FGF12: variants seen among roughly 807,000 people sequenced by gnomAD.
The protein encoded by FGF12 is fibroblast growth factor 12.
FGF12 carries 14 observed loss-of-function variants against 23.6 expected under a neutral mutation model. That is an observed-to-expected ratio of 0.59 (90% confidence interval 0.39 to 0.93). The LOEUF (loss-of-function observed/expected upper bound fraction) is 0.93, where lower values mean the gene tolerates loss of function less well. Ranked by LOEUF, FGF12 falls within the 40% of genes least tolerant of loss-of-function variation. The pLI is 0.00. For synonymous variants in FGF12, 62 were observed against 77.3 expected, an observed-to-expected ratio of 0.80 and a Z score of 1.04; for missense variants, 175 against 217.8, an observed-to-expected ratio of 0.80 and a Z score of 1.24.
At chr3:192,595,825 T>C (rs886313225) in intron 2 of FGF12, among the ~76,000 whole-genome samples, 1 of 152,162 alleles carries the variant, frequency 6.6e-6, no homozygotes, top group African/African-American at 2.4e-5. Flanking sequence ...CCAAGCACAG[T>C]GGCTCACACC....
chr3:192,251,668 T>C (rs1325642725), intron 4 of FGF12, among the ~76,000 whole-genome samples: 2 of 151,916 alleles, frequency 1.3e-5, no homozygotes, highest in African/African-American at 2.4e-5. Flanking sequence ...TAATAATGAA[T>C]GAACGAAGAT....
chr3:192,692,710 TAAA>T (rs200005337), intron 2 of FGF12, among the ~76,000 whole-genome samples: 2 of 123,186 alleles, frequency 1.6e-5, no homozygotes, highest in Admixed American at 8.2e-5. Context: ...AGACCCTGTC[TAAA>T]AAAAAAAAAA....
chr3:192,328,475 G>C (rs1716940485), intron 4 of FGF12, among the ~76,000 whole-genome samples: 1 of 152,184 alleles, frequency 6.6e-6, no homozygotes, highest in Non-Finnish European at 1.5e-5. Flanking sequence ...AGAGTAACAT[G>C]TCCTGACTCA....
intron 4 of FGF12, among the ~76,000 whole-genome samples, chr3:192,173,500 A>G (rs1223993660): frequency 7.2e-6 from 1 of 139,342 alleles, no homozygotes; most frequent in Non-Finnish European, 1.6e-5. Context: ...CAGATTCAAT[A>G]TAGATGATAA....
intron 4 of FGF12, among the ~76,000 whole-genome samples, chr3:192,322,790 T>C (rs1332756202): frequency 6.6e-6 from 1 of 152,030 alleles, no homozygotes; most frequent in Non-Finnish European, 1.5e-5. Flanking sequence ...AAACTGGATA[T>C]CCACATGCAG....
intron 4 of FGF12, among the ~76,000 whole-genome samples, chr3:192,293,709 A>G (rs1714882757): frequency 6.6e-6 from 1 of 152,168 alleles, no homozygotes; most frequent in Non-Finnish European, 1.5e-5. Flanking sequence ...ATTTTCTAAT[A>G]TATATTCAAC....
intron 2 of FGF12, among the ~76,000 whole-genome samples, chr3:192,545,271 T>C (rs140802938): frequency 6.6e-6 from 1 of 152,310 alleles, no homozygotes; most frequent in African/African-American, 2.4e-5. Context: ...TCAAGACAAT[T>C]GTACCAATTT....
At chr3:192,161,061 G>T (rs78383968) in intron 5 of FGF12, among the ~76,000 whole-genome samples, 1 of 151,910 alleles carries the variant, frequency 6.6e-6, no homozygotes, top group Non-Finnish European at 1.5e-5. Flanking sequence ...GAAAGCTGAC[G>T]ACCACCCTTA....
chr3:192,455,841 T>C (rs775537442), intron 2 of FGF12, among the ~76,000 whole-genome samples: 5 of 152,190 alleles, frequency 3.3e-5, no homozygotes, highest in Non-Finnish European at 7.4e-5. Flanking sequence ...ATACCAAATG[T>C]CAACAGTTCC....
intron 2 of FGF12, among the ~76,000 whole-genome samples, chr3:192,642,286 C>A (rs567817315): frequency 1.3e-5 from 2 of 152,282 alleles, no homozygotes; most frequent in South Asian, 4.1e-4. Context: ...GAGAGGGAAA[C>A]CAGGCTCCGA....
At chr3:192,452,544 T>C (rs1722555370) in intron 2 of FGF12, among the ~76,000 whole-genome samples, 3 of 152,238 alleles carry the variant, frequency 2.0e-5, no homozygotes, top group Admixed American at 2.0e-4. Context: ...CTTCCTCTTC[T>C]ACTTCCTGAA....
chr3:192,626,239 T>C (rs375343948), intron 2 of FGF12, among the ~76,000 whole-genome samples: 8 of 152,326 alleles, frequency 5.3e-5, no homozygotes, highest in African/African-American at 1.7e-4. Context: ...TTAGCATATG[T>C]TATTTATTTC....
At chr3:192,297,458 A>G (rs1223770488) in intron 4 of FGF12, among the ~76,000 whole-genome samples, 1 of 152,198 alleles carries the variant, frequency 6.6e-6, no homozygotes, top group East Asian at 1.9e-4. Context: ...CACATATCTA[A>G]AGAAAAGAAT....
intron 2 of FGF12, among the ~76,000 whole-genome samples, chr3:192,365,470 C>T (rs550907227): frequency 4.6e-5 from 7 of 152,034 alleles, no homozygotes; most frequent in Non-Finnish European, 2.9e-5. Context: ...GATATAGATT[C>T]TTCATTGTGA....
At chr3:192,536,821 T>A (rs2108854087) in intron 2 of FGF12, among the ~76,000 whole-genome samples, 1 of 152,226 alleles carries the variant, frequency 6.6e-6, no homozygotes, top group Non-Finnish European at 1.5e-5. Flanking sequence ...CCAATTATAG[T>A]TTTAGTTAAT....
At chr3:192,420,153 C>G (rs1721476581) in intron 2 of FGF12, among the ~76,000 whole-genome samples, 2 of 151,972 alleles carry the variant, frequency 1.3e-5, no homozygotes, top group South Asian at 4.1e-4. Context: ...TCAAAATAAC[C>G]AAAAGCCGAT....
Position 192,460,657 on chromosome 3 carries a change from CAT to C in FGF12, c.14-100121_14-100120del, listed in dbSNP as rs1473124290. Among the ~76,000 whole-genome samples the C allele has an allele frequency of 4.1e-5, 6 of 145,238 alleles. No homozygotes were observed. The South Asian group carries it at 6.4e-4, about 16-fold the overall frequency. ...CAACAACAGCAACAACAAATATATA[CAT>C]ATACACACACACACACATATATTTA... On this transcript the variant is annotated intron_variant, in intron 2 of 5. Coordinates refer to ENST00000445105, the MANE Select transcript of FGF12 (RefSeq NM_004113.6).
At chr3:192,378,030 CTTTCTTTCTT>C (rs1171407110) in intron 2 of FGF12, among the ~76,000 whole-genome samples, 3,492 of 59,500 alleles carry the variant, frequency 0.059, 279 homozygotes, top group Admixed American at 0.071. Context: ...TCTTTCTTTT[CTTTCTTTCTT>C]TCTTTCTTTC....
chr3:192,550,241 T>C (rs573953161), intron 2 of FGF12, among the ~76,000 whole-genome samples: 1 of 151,352 alleles, frequency 6.6e-6, no homozygotes, highest in Admixed American at 6.6e-5. Context: ...TACAGATATA[T>C]ATGTATGTAT....
Sources: gnomAD v4.1 joint callset for allele counts (sites outside exome capture counted in the v4.1 genomes callset) on GRCh38, gnomAD v4.1.1 for gene constraint, MANE v1.5 for transcripts, NCBI Gene and HGNC (gene_info 2026-07-23, HGNC 2026-07-21) for gene names.